Variants in NECAB1 observed in about 807,000 individuals in gnomAD.
NECAB1 encodes the protein N-terminal EF-hand calcium-binding protein 1.
A neutral mutation model predicts 57.5 loss-of-function variants in NECAB1; 29 were observed. The ratio of observed to expected loss-of-function variants is 0.50; its 90% CI spans 0.38 to 0.69. The LOEUF is 0.69. Among genes scored for constraint, NECAB1 ranks in the 30% least tolerant of loss-of-function variants. The pLI is 0.00. For synonymous variants in NECAB1, 142 were observed against 147.7 expected (o/e 0.96, Z 0.28); for missense variants, 372 against 413.8 (o/e 0.90, Z 0.88).
chr8:90,859,980 T>C (rs1033715010), intron 3 of NECAB1, among the ~76,000 whole-genome samples: 1 of 152,102 alleles, frequency 6.6e-6, no homozygotes, highest in Non-Finnish European at 1.5e-5. Flanking sequence ...ACTTTACAAG[T>C]GAGCCTCAGA....
In NECAB1 at chr8:90,828,364, G is replaced by A. The variant is rs144193348; in HGVS notation, c.233+3539G>A. ...AGTGCATTTCAAAACCAAACTACCTGTATCAACCACATGTCCTTATATGCT... is the reference window on the plus strand; with the variant it reads ...AGTGCATTTCAAAACCAAACTACCTATATCAACCACATGTCCTTATATGCT... On this transcript the variant is annotated intron_variant, in intron 3 of 12. Transcript: ENST00000417640. Among the ~76,000 whole-genome samples, 17 of 152,106 alleles carry A rather than the reference G, an allele frequency of 1.1e-4. No individual in the cohort carries two copies. The East Asian group carries it at 3.3e-3, about 29-fold the overall frequency.
intron 8 of NECAB1, among the ~76,000 whole-genome samples, chr8:90,929,254 A>G (rs1330357886): frequency 6.6e-6 from 1 of 152,168 alleles, no homozygotes; most frequent in Non-Finnish European, 1.5e-5. Context: ...GATCACTGTG[A>G]CCTGGGGTGC....
chr8:90,820,434 A>G (rs903456792), intron 2 of NECAB1, among the ~76,000 whole-genome samples: 8 of 151,972 alleles, frequency 5.3e-5, no homozygotes, highest in Non-Finnish European at 1.2e-4. Context: ...GGTTCTAAGG[A>G]TTCCATTATT....
chr8:90,878,307 T>C (rs1393051708), intron 4 of NECAB1, among the ~76,000 whole-genome samples: 2 of 152,192 alleles, frequency 1.3e-5, no homozygotes, highest in Non-Finnish European at 2.9e-5. Context: ...GCTCCTATGA[T>C]AGCACCTGGC....
At chr8:90,924,697 A>C (rs1001065210) in intron 6 of NECAB1, among the ~76,000 whole-genome samples, 1 of 152,176 alleles carries the variant, frequency 6.6e-6, no homozygotes, top group Non-Finnish European at 1.5e-5. Flanking sequence ...CCATGTTCAC[A>C]TTCCAACCAG....
At chr8:90,816,231 TTC>T (rs1414882857) in intron 2 of NECAB1, among the ~76,000 whole-genome samples, 1 of 151,916 alleles carries the variant, frequency 6.6e-6, no homozygotes, top group East Asian at 1.9e-4. Context: ...GTTTTAAGAG[TTC>T]TTTGTATATT....
At chr8:90,794,444 A>G (rs538777570) in intron 1 of NECAB1, among the ~76,000 whole-genome samples, 4 of 152,164 alleles carry the variant, frequency 2.6e-5, no homozygotes, top group Non-Finnish European at 5.9e-5. Context: ...CTTCTGTATC[A>G]AACAGACAAT....
At chr8:90,794,748 G>A (rs1586026254) in intron 1 of NECAB1, among the ~76,000 whole-genome samples, 1 of 152,196 alleles carries the variant, frequency 6.6e-6, no homozygotes, top group Non-Finnish European at 1.5e-5. Flanking sequence ...AAAGCAAAAA[G>A]TATTGCATAA....
At chr8:90,904,178 C>G (rs1040173683) in intron 5 of NECAB1, among the ~76,000 whole-genome samples, 2 of 151,986 alleles carry the variant, frequency 1.3e-5, no homozygotes, top group Admixed American at 6.6e-5. Flanking sequence ...CCCCCAGATA[C>G]TGGACAAAAG....
chr8:90,944,133 TA>T (rs1810741843), intron 10 of NECAB1, among the ~76,000 whole-genome samples: 1 of 152,138 alleles, frequency 6.6e-6, no homozygotes, highest in South Asian at 2.1e-4. Context: ...AAAAAAAACT[TA>T]TTAAAGTTTG....
chr8:90,879,306 A>T (rs1243627806), intron 4 of NECAB1, among the ~76,000 whole-genome samples: 1 of 149,540 alleles, frequency 6.7e-6, no homozygotes, highest in African/African-American at 2.5e-5. Flanking sequence ...CTCCCACCTC[A>T]GCCTCCCAAG....
intron 3 of NECAB1, among the ~76,000 whole-genome samples, chr8:90,833,888 C>T (rs1260520022): frequency 3.3e-5 from 5 of 152,006 alleles, no homozygotes; most frequent in Admixed American, 6.6e-5. Context: ...CTCAGCCAGG[C>T]GTGGTGGCTC....
intron 3 of NECAB1, among the ~76,000 whole-genome samples, chr8:90,833,729 T>G (rs1038086158): frequency 6.6e-6 from 1 of 152,124 alleles, no homozygotes; most frequent in Non-Finnish European, 1.5e-5. Flanking sequence ...GTAACCCCAA[T>G]CTCTCTAAAA....
chr8:90,958,909 TAAG>T lies in NECAB1; in HGVS notation c.*3400_*3402del. 2.9e-6 allele frequency: 2 copies of T among 689,074 alleles called. No homozygotes were observed. 42.7% of individuals were successfully genotyped at this position (689,074 alleles called of 1,614,324 possible). ...AAGTCAAATAGCCAACCATCAAAAT[TAAG>T]AATAAATTGAATTGTCACAGTCCAT... On this transcript the variant is annotated 3_prime_UTR_variant, in exon 13 of 13. Coordinates refer to ENST00000417640, the MANE Select transcript of NECAB1 (RefSeq NM_022351.5).
intron 3 of NECAB1, among the ~76,000 whole-genome samples, chr8:90,833,100 A>C (rs1812318174): frequency 6.6e-6 from 1 of 152,082 alleles, no homozygotes; most frequent in Non-Finnish European, 1.5e-5. Flanking sequence ...TACAATGTAG[A>C]AATGTTATTC....
intron 3 of NECAB1, among the ~76,000 whole-genome samples, chr8:90,861,798 C>T (rs1463369915): frequency 1.3e-5 from 2 of 152,162 alleles, no homozygotes; most frequent in East Asian, 3.8e-4. Flanking sequence ...TAAGATCACA[C>T]ATCTGGTAAA....
At chr8:90,888,734 CA>C (rs1175878382) in intron 5 of NECAB1, among the ~76,000 whole-genome samples, 1 of 151,936 alleles carries the variant, frequency 6.6e-6, no homozygotes, top group Non-Finnish European at 1.5e-5. Flanking sequence ...TGAATATGTG[CA>C]AAAAAAGCTA....
intron 3 of NECAB1, among the ~76,000 whole-genome samples, chr8:90,837,532 A>T (rs1179057035): frequency 6.6e-6 from 1 of 152,208 alleles, no homozygotes; most frequent in African/African-American, 2.4e-5. Context: ...TTTTTGGACC[A>T]CAGTTGACTG....
At chr8:90,873,870 C>G (rs896738666) in intron 4 of NECAB1, among the ~76,000 whole-genome samples, 1 of 129,122 alleles carries the variant, frequency 7.7e-6, no homozygotes. Flanking sequence ...AAAAATATGC[C>G]TTTTTTCTAT....
Sources: allele counts gnomAD v4.1 joint callset (sites outside exome capture counted in the v4.1 genomes callset), GRCh38; gene constraint gnomAD v4.1.1; transcripts MANE v1.5; gene names NCBI Gene and HGNC (gene_info 2026-07-23, HGNC 2026-07-21).